The following PPM1H variants were observed in gnomAD, a reference collection of about 807,000 sequenced individuals.
PPM1H encodes the protein protein phosphatase, Mg2+/Mn2+ dependent 1H.
Under a neutral mutation model 54.9 loss-of-function variants are expected in PPM1H, and 27 were observed. The observed-to-expected ratio is 0.49, with a 90% confidence interval of 0.36 to 0.68. The LOEUF (loss-of-function observed/expected upper bound fraction) is 0.68. Ranked by LOEUF, PPM1H falls within the 30% of genes least tolerant of loss-of-function variation. PPM1H has a pLI of 0.00. For missense variants in PPM1H, 596 were observed against 667.8 expected, an observed-to-expected ratio of 0.89 and a Z score of 1.19; for synonymous variants, 305 against 270.8, an observed-to-expected ratio of 1.13 and a Z score of -1.24.
chr12:62,692,505 G>A (rs2076088914), intron 7 of PPM1H, among the ~76,000 whole-genome samples: 1 of 152,142 alleles, frequency 6.6e-6, no homozygotes. Context: ...ATGCATTTAT[G>A]TCAGGTACCA....
intron 1 of PPM1H, among the ~76,000 whole-genome samples, chr12:62,848,245 C>T (rs1869047394): frequency 6.6e-6 from 1 of 152,170 alleles, no homozygotes; most frequent in African/African-American, 2.4e-5. Flanking sequence ...TTCAAAATAG[C>T]TCCTAACTCA....
chr12:62,825,516 A>T (rs918001854), intron 2 of PPM1H, among the ~76,000 whole-genome samples: 1 of 152,252 alleles, frequency 6.6e-6, no homozygotes, highest in Non-Finnish European at 1.5e-5. Context: ...GGATTAAGAA[A>T]ATGTGGCACA....
chr12:62,882,919 C>T (rs1053160570), intron 1 of PPM1H, among the ~76,000 whole-genome samples: 3 of 152,108 alleles, frequency 2.0e-5, no homozygotes, highest in Admixed American at 6.5e-5. Context: ...CCACCCCCAC[C>T]GCCACTCCCC....
intron 4 of PPM1H, among the ~76,000 whole-genome samples, chr12:62,771,959 G>A (rs12580567): frequency 0.029 from 4,352 of 152,240 alleles, 92 homozygotes; most frequent in Middle Eastern, 0.068. Flanking sequence ...TCCTCACAAT[G>A]ACTGAAAGGG....
Position 62,934,953 on chromosome 12 carries a change from A to T in PPM1H, c.-217T>A. On this transcript the variant is annotated 5_prime_UTR_variant, in exon 1 of 10. Coordinates refer to ENST00000228705, the MANE Select transcript of PPM1H (RefSeq NM_020700.2). This position sits in a 1 kb window ranked among gnomAD's most constrained non-coding sequence, Gnocchi z 4.2. ...GGTGGCCGCCGCCTCCCCCCGCTACACTTCCGCAACGGAGCTGCATGGAGC... is the reference window on the plus strand; with the variant it reads ...GGTGGCCGCCGCCTCCCCCCGCTACTCTTCCGCAACGGAGCTGCATGGAGC... 3.3e-6 allele frequency: 1 copy of T among 300,234 alleles called. No homozygotes were observed. The highest frequency in any genetic ancestry group is 5.8e-6 in the Non-Finnish European group (1 of 171,810). The allele number at this position is 300,234 out of a possible 1,614,324, so 18.6% of individuals were successfully genotyped here. A position where few individuals can be genotyped will look rare whatever the true frequency, so the allele number is the denominator to read the frequency against.
Position 62,648,535 on chromosome 12 carries a change from AT to A in PPM1H, c.1498del (p.Ile500PhefsTer8). On this transcript the variant is annotated frameshift_variant, in exon 10 of 10. Transcript: ENST00000228705. LOFTEE classifies it high-confidence loss of function. ...TATTAAAGGAATGACATATACAGAA[AT>A]GTCGTCTCCTGAGCCCAGTCGGTCA... is the stretch of plus-strand genomic sequence containing the variant. ...SNDRLGSGDDISVYVIPLIHG... is the reference protein window; with the variant it reads ...SNDRLGSGDDXSVYVIPLIHG... The A allele has an allele frequency of 6.2e-7, 1 of 1,613,938 alleles. No individual in the cohort carries two copies. The highest frequency in any genetic ancestry group is 8.5e-7 in the Non-Finnish European group (1 of 1,179,876).
chr12:62,842,152 G>T (rs1184623631), intron 1 of PPM1H, among the ~76,000 whole-genome samples: 1 of 152,092 alleles, frequency 6.6e-6, no homozygotes, highest in Non-Finnish European at 1.5e-5. Flanking sequence ...TTGAAGTTTT[G>T]CATAAAATAA....
intron 5 of PPM1H, among the ~76,000 whole-genome samples, chr12:62,724,720 A>G (rs1240714802): frequency 6.6e-6 from 1 of 152,232 alleles, no homozygotes; most frequent in Admixed American, 6.5e-5. Flanking sequence ...TACTTCCAGG[A>G]AGAAAAAAAG....
At chr12:62,820,432 G>A (rs1363628225) in intron 2 of PPM1H, among the ~76,000 whole-genome samples, 2 of 152,222 alleles carry the variant, frequency 1.3e-5, no homozygotes, top group East Asian at 3.9e-4. Flanking sequence ...AGAATGGACA[G>A]ACTGCCTCCT....
intron 1 of PPM1H, among the ~76,000 whole-genome samples, chr12:62,838,862 A>C (rs1028233352): frequency 2.6e-5 from 3 of 115,516 alleles, no homozygotes; most frequent in East Asian, 2.9e-4. Flanking sequence ...CGGAGCTTGC[A>C]GTGAGCCGAG....
At chr12:62,832,946 A>C (rs1489806904) in intron 1 of PPM1H, among the ~76,000 whole-genome samples, 2 of 152,186 alleles carry the variant, frequency 1.3e-5, no homozygotes, top group Admixed American at 1.3e-4. Flanking sequence ...GCATGTTGAC[A>C]CTGCTTTGCT....
chr12:62,896,442 C>A (rs699570), intron 1 of PPM1H, among the ~76,000 whole-genome samples: 1 of 151,808 alleles, frequency 6.6e-6, no homozygotes, highest in South Asian at 2.1e-4. Flanking sequence ...GGGCGAAGGA[C>A]ATGAACAGAC....
intron 1 of PPM1H, among the ~76,000 whole-genome samples, chr12:62,836,856 C>T (rs1799709804): frequency 6.6e-6 from 1 of 152,180 alleles, no homozygotes; most frequent in Non-Finnish European, 1.5e-5. Flanking sequence ...TATTTATATA[C>T]TGCTTTAACC....
intron 1 of PPM1H, among the ~76,000 whole-genome samples, chr12:62,908,595 G>A (rs1171261257): frequency 2.0e-5 from 3 of 152,070 alleles, no homozygotes; most frequent in South Asian, 4.1e-4. Flanking sequence ...AGAAGTCCAC[G>A]GCACAAATAT....
chr12:62,858,120 C>G (rs1262522652), intron 1 of PPM1H, among the ~76,000 whole-genome samples: 1 of 151,272 alleles, frequency 6.6e-6, no homozygotes, highest in Non-Finnish European at 1.5e-5. Context: ...CCCAGATAAT[C>G]TCTCCATTGC....
chr12:62,919,205 CAAGA>C (rs1352775469), intron 1 of PPM1H, among the ~76,000 whole-genome samples: 2 of 152,160 alleles, frequency 1.3e-5, no homozygotes, highest in African/African-American at 2.4e-5. Flanking sequence ...TGTTTTTCAA[CAAGA>C]AAGAGGACAT....
chr12:62,724,782 T>C (rs569532484), intron 5 of PPM1H, among the ~76,000 whole-genome samples: 1 of 152,356 alleles, frequency 6.6e-6, no homozygotes, highest in South Asian at 2.1e-4. Context: ...ATTTTAATTT[T>C]ATCCTTTTCA....
chr12:62,862,502 C>G (rs181830675), intron 1 of PPM1H, among the ~76,000 whole-genome samples: 50 of 152,300 alleles, frequency 3.3e-4, no homozygotes, highest in Middle Eastern at 6.8e-3. Context: ...AGGCCTCTTT[C>G]AAAGACTTTG....
At chr12:62,656,884 GGCCTTTGTT>G (rs1218418660) in intron 9 of PPM1H, among the ~76,000 whole-genome samples, 1 of 152,082 alleles carries the variant, frequency 6.6e-6, no homozygotes, top group African/African-American at 2.4e-5. Context: ...AATAGGGAAT[GGCCTTTGTT>G]GTGCCCAGAA....
Sources: gnomAD v4.1 joint callset for allele counts (sites outside exome capture counted in the v4.1 genomes callset) on GRCh38, gnomAD v4.1.1 for gene constraint, Gnocchi (gnomAD v3.1) non-coding constraint, MANE v1.5 for transcripts, NCBI Gene and HGNC (gene_info 2026-07-23, HGNC 2026-07-21) for gene names.